Variants in FRMD4A observed in about 807,000 individuals in gnomAD.
FRMD4A encodes the protein FERM domain-containing protein 4A.
In FRMD4A, 29 loss-of-function variants were observed where a neutral mutation model predicts 129.1. The ratio of observed to expected loss-of-function variants is 0.22; its 90% CI spans 0.17 to 0.31. FRMD4A has a LOEUF of 0.31. FRMD4A is among the 10% of genes least tolerant of loss of function. The pLI is 1.00. For missense variants in FRMD4A, 1,272 were observed against 1,375.8 expected (o/e 0.92, Z 1.19); for synonymous variants, 634 against 571.6 (o/e 1.11, Z -1.56).
chr10:14,301,786 A>C (rs145706910), intron 2 of FRMD4A, among the ~76,000 whole-genome samples: 30 of 152,346 alleles, frequency 2.0e-4, no homozygotes, highest in Admixed American at 7.2e-4. Flanking sequence ...ATTCATGGGC[A>C]GTAAAATTTG....
At chr10:14,185,897 C>A (rs1842128248) in intron 2 of FRMD4A, among the ~76,000 whole-genome samples, 1 of 152,108 alleles carries the variant, frequency 6.6e-6, no homozygotes, top group Non-Finnish European at 1.5e-5. Context: ...AGCAACAGGG[C>A]AGAGAGAGAC....
At chr10:13,852,111 C>A (rs1248671452) in intron 3 of FRMD4A, among the ~76,000 whole-genome samples, 1 of 152,018 alleles carries the variant, frequency 6.6e-6, no homozygotes, top group Non-Finnish European at 1.5e-5. Context: ...ACCATACCTC[C>A]CACACCCCAT....
intron 2 of FRMD4A, among the ~76,000 whole-genome samples, chr10:14,239,650 AAC>A (rs1421105105): frequency 3.9e-4 from 57 of 145,590 alleles, no homozygotes; most frequent in African/African-American, 1.3e-3. Flanking sequence ...CAAACAAACA[AAC>A]AAAAAAAAAC....
intron 2 of FRMD4A, among the ~76,000 whole-genome samples, chr10:14,227,243 CTTTTTTTTTTTTTT>C (rs10674411): frequency 6.2e-5 from 4 of 64,100 alleles, no homozygotes; most frequent in East Asian, 9.9e-4. Flanking sequence ...TCTTCTTCTT[CTTTTTTTTTTTTTT>C]TTTTTTTTTT....
At chr10:13,825,493 G>T (rs558111645) in intron 3 of FRMD4A, among the ~76,000 whole-genome samples, 72 of 152,318 alleles carry the variant, frequency 4.7e-4, no homozygotes, top group African/African-American at 1.7e-3. Flanking sequence ...GATCTAGGTT[G>T]TATGCTCCTT....
intron 3 of FRMD4A, among the ~76,000 whole-genome samples, chr10:13,834,638 T>TG (rs2093844711): frequency 6.6e-6 from 1 of 152,208 alleles, no homozygotes; most frequent in Admixed American, 6.5e-5. Context: ...ACGAAATTGA[T>TG]GCGTCTGAAA....
At chr10:13,692,875 T>C (rs1394010460) in intron 15 of FRMD4A, 1 of 151,996 alleles carries the variant, frequency 6.6e-6, no homozygotes, top group African/African-American at 2.4e-5. Context: ...CTTTTCTTTT[T>C]TTGTTTTTTG....
In FRMD4A at chr10:13,706,625, C is replaced by T. The variant is rs115828672; in HGVS notation, c.836+412G>A. Reference sequence around the variant, plus strand: ...CCTGCCTGAAATACTTTTAGAAGCTCTAATGAGGGATTCTTCAGACTCTTC... The same window carrying T: ...CCTGCCTGAAATACTTTTAGAAGCTTTAATGAGGGATTCTTCAGACTCTTC... On this transcript the variant is annotated intron_variant, in intron 13 of 24. Transcript: ENST00000357447. Among the ~76,000 whole-genome samples, 1,520 of 152,234 alleles carry T rather than the reference C, an allele frequency of 1.0e-2. 24 individuals are homozygous for T. The highest frequency in any genetic ancestry group is 0.035 in the African/African-American group (1,440 of 41,526).
At chr10:13,786,412 C>T (rs570462473) in intron 5 of FRMD4A, among the ~76,000 whole-genome samples, 1 of 152,164 alleles carries the variant, frequency 6.6e-6, no homozygotes, top group African/African-American at 2.4e-5. Context: ...CGAGACCAGC[C>T]TGGCCAACAT....
chr10:13,841,689 G>A (rs1208786862), intron 3 of FRMD4A, among the ~76,000 whole-genome samples: 1 of 152,216 alleles, frequency 6.6e-6, no homozygotes, highest in Non-Finnish European at 1.5e-5. Flanking sequence ...GACCCTCCCA[G>A]GCCTTATCCA....
At position 13,807,444 on chromosome 10, in the gene FRMD4A, G is replaced by T. The variant is rs561037050; in HGVS notation, c.206+3370C>A. ...GACATTTGTTGAAGTTGGGTGAAGG[G>T]TATAAAGGAACTCTAATATGTTTGC... On this transcript the variant is annotated intron_variant, in intron 4 of 24. Transcript: ENST00000357447. Among the ~76,000 whole-genome samples, 49 of 152,200 alleles carry T rather than the reference G, an allele frequency of 3.2e-4. No individual in the cohort carries two copies. In the South Asian group the frequency reaches 9.5e-3, roughly 30 times the overall value.
intron 2 of FRMD4A, among the ~76,000 whole-genome samples, chr10:14,236,489 C>T (rs1023399036): frequency 5.9e-5 from 9 of 152,210 alleles, no homozygotes; most frequent in African/African-American, 2.2e-4. Context: ...CTGCTGGCCC[C>T]ATACCACTGG....
intron 2 of FRMD4A, among the ~76,000 whole-genome samples, chr10:13,924,115 T>G (rs1374415782): frequency 6.6e-6 from 1 of 152,210 alleles, no homozygotes; most frequent in East Asian, 1.9e-4. Context: ...TTCCCCACTT[T>G]TATACTATGT....
In FRMD4A at chr10:13,812,046, C is replaced by T. The variant is rs188136287; in HGVS notation, c.112-1138G>A. On this transcript the variant is annotated intron_variant, in intron 3 of 24. Transcript: ENST00000357447. ...TACAGGTGCGTGCCACCATGCCCAA[C>T]GAATTTTTGTATTTTTAGTAGAGAC... Among the ~76,000 whole-genome samples, 478 of 152,172 alleles carry T rather than the reference C, an allele frequency of 3.1e-3. 1 individual carries two copies. The highest frequency in any genetic ancestry group is 0.011 in the African/African-American group (454 of 41,518).
At chr10:14,129,408 A>ATAT (rs1491249191) in intron 2 of FRMD4A, among the ~76,000 whole-genome samples, 93 of 103,008 alleles carry the variant, frequency 9.0e-4, no homozygotes, top group South Asian at 1.5e-3. Flanking sequence ...ATATATATAT[A>ATAT]AAAAATATGA....
rs1270027794 is a variant in FRMD4A at position 13,861,078 on chromosome 10, G to A, written c.46-2166C>T. Among the ~76,000 whole-genome samples the A allele has an allele frequency of 3.3e-5, 5 of 152,292 alleles. No individual in the cohort carries two copies. The South Asian group carries it at 8.3e-4, about 25-fold the overall frequency. On this transcript the variant is annotated intron_variant, in intron 2 of 24. Coordinates refer to ENST00000357447, the MANE Select transcript of FRMD4A (RefSeq NM_018027.5). ...GCAGGTGGCAGCACAGTCGCGGGCC[G>A]AAGGTGCCTACTGCACTCACGGCTC...
chr10:13,862,663 C>T (rs567384137), intron 2 of FRMD4A, among the ~76,000 whole-genome samples: 8 of 152,324 alleles, frequency 5.3e-5, no homozygotes, highest in African/African-American at 1.9e-4. Flanking sequence ...ACAGACTCAC[C>T]TTTGAATCAT....
intron 13 of FRMD4A, among the ~76,000 whole-genome samples, chr10:13,706,749 GACACACACACAC>G (rs3031967): frequency 1.4e-5 from 2 of 146,528 alleles, no homozygotes; most frequent in African/African-American, 5.1e-5. Context: ...CACATACACT[GACACACACACAC>G]ACACACACAC....
chr10:14,247,519 TTCTC>T (rs752755234), intron 2 of FRMD4A, among the ~76,000 whole-genome samples: 179 of 152,124 alleles, frequency 1.2e-3, no homozygotes, highest in Non-Finnish European at 2.1e-3. Flanking sequence ...CACTCTCACT[TTCTC>T]TCTCTCTTTC....
Sources: allele counts gnomAD v4.1 joint callset (sites outside exome capture counted in the v4.1 genomes callset), GRCh38; gene constraint gnomAD v4.1.1; transcripts MANE v1.5; gene names NCBI Gene and HGNC (gene_info 2026-07-23, HGNC 2026-07-21).